Variants in ASTN2 observed in about 807,000 individuals in gnomAD.
The protein encoded by ASTN2 is astrotactin-2.
ASTN2 carries 54 observed loss-of-function variants against 139.8 expected under a neutral mutation model. The ratio of observed to expected loss-of-function variants is 0.39; its 90% CI spans 0.31 to 0.48. The LOEUF is 0.48. Ranked by LOEUF, ASTN2 falls within the 20% of genes least tolerant of loss-of-function variation. The pLI is 0.95. For missense variants in ASTN2, 1,565 were observed against 1,725.1 expected (o/e 0.91, Z 1.64); for synonymous variants, 756 against 719.5 (o/e 1.05, Z -0.81).
intron 4 of ASTN2, among the ~76,000 whole-genome samples, chr9:117,137,225 G>A (rs1410419020): frequency 6.6e-6 from 1 of 152,174 alleles, no homozygotes; most frequent in Non-Finnish European, 1.5e-5. Flanking sequence ...GGCCTCTCAG[G>A]AAGAAGGCAT....
chr9:116,534,795 T>C (rs1235882984), intron 19 of ASTN2, among the ~76,000 whole-genome samples: 1 of 152,196 alleles, frequency 6.6e-6, no homozygotes, highest in East Asian at 1.9e-4. Context: ...GTGGTCAATT[T>C]TGGAATAAGT....
intron 10 of ASTN2, among the ~76,000 whole-genome samples, chr9:116,943,286 G>A (rs1835290414): frequency 6.6e-6 from 1 of 152,128 alleles, no homozygotes; most frequent in Admixed American, 6.5e-5. Context: ...AAGATGTGAG[G>A]TTAGTGCCCA....
At chr9:116,565,198 T>A (rs1564119669) in intron 19 of ASTN2, among the ~76,000 whole-genome samples, 1 of 133,996 alleles carries the variant, frequency 7.5e-6, no homozygotes, top group African/African-American at 2.8e-5. Context: ...TATGAAAAAA[T>A]CCTTAGGCTT....
chr9:117,343,051 CAGAAAAACTAA>C lies in ASTN2; in HGVS notation c.443-51549_443-51539del, dbSNP rs538913497. ...CCCTCACTGCATCTCACACTCACTT[CAGAAAAACTAA>C]AGTAGGAAGAGTCAGAAGTCTAACA... On this transcript the variant is annotated intron_variant, in intron 1 of 22. Coordinates refer to ENST00000313400, the MANE Select transcript of ASTN2 (RefSeq NM_001365068.1). 4.6e-5 allele frequency among the ~76,000 whole-genome samples: 7 copies of C among 152,300 alleles called. No individual in the cohort carries two copies. The East Asian group carries it at 1.4e-3, about 29-fold the overall frequency.
intron 10 of ASTN2, among the ~76,000 whole-genome samples, chr9:116,890,362 T>C (rs550456836): frequency 1.3e-5 from 2 of 152,302 alleles, no homozygotes; most frequent in African/African-American, 4.8e-5. Context: ...GGCACTCACA[T>C]AAAAATTTCA....
intron 20 of ASTN2, among the ~76,000 whole-genome samples, chr9:116,452,273 T>C (rs1208468161): frequency 6.6e-6 from 1 of 152,188 alleles, no homozygotes; most frequent in Non-Finnish European, 1.5e-5. Context: ...ATATAAACAA[T>C]AATTTTTAAA....
chr9:117,070,102 T>A (rs200346076), intron 5 of ASTN2, among the ~76,000 whole-genome samples: 15 of 140,816 alleles, frequency 1.1e-4, no homozygotes, highest in African/African-American at 2.2e-4. Context: ...TTCTTCCTAG[T>A]CTCGATGGTC....
chr9:117,024,908 C>T (rs1838013161), intron 6 of ASTN2, among the ~76,000 whole-genome samples: 1 of 150,812 alleles, frequency 6.6e-6, no homozygotes, highest in South Asian at 2.1e-4. Context: ...GTGAATAAGT[C>T]TCATGAGATC....
intron 10 of ASTN2, among the ~76,000 whole-genome samples, chr9:116,966,073 A>C (rs926450070): frequency 2.6e-5 from 4 of 152,196 alleles, no homozygotes; most frequent in African/African-American, 9.7e-5. Flanking sequence ...CCCAGTATAC[A>C]TGCCCAAAAT....
At chr9:116,882,283 GTTAC>G (rs917277082) in intron 10 of ASTN2, among the ~76,000 whole-genome samples, 17 of 152,178 alleles carry the variant, frequency 1.1e-4, no homozygotes, top group Admixed American at 5.9e-4. Flanking sequence ...AAGGGAAGAG[GTTAC>G]TTCCAGTTTG....
At chr9:116,803,510 ATATATATATATATT>A (rs1830939979) in intron 13 of ASTN2, among the ~76,000 whole-genome samples, 1 of 7,288 alleles carries the variant, frequency 1.4e-4, no homozygotes, top group African/African-American at 8.0e-4. Flanking sequence ...ATATATATAT[ATATATATATATATT>A]TTTTTTTTTT....
chr9:117,261,385 G>A (rs1375172298), intron 2 of ASTN2, among the ~76,000 whole-genome samples: 1 of 152,190 alleles, frequency 6.6e-6, no homozygotes, highest in Non-Finnish European at 1.5e-5. Flanking sequence ...TGCATAGGCA[G>A]CAGATCTGTT....
At chr9:116,681,310 C>T (rs891142448) in intron 16 of ASTN2, among the ~76,000 whole-genome samples, 26 of 152,176 alleles carry the variant, frequency 1.7e-4, no homozygotes, top group Admixed American at 6.6e-5. Flanking sequence ...AAGAATCCAA[C>T]TTACAAGGGA....
chr9:117,391,846 C>A (rs1028945241), intron 1 of ASTN2, among the ~76,000 whole-genome samples: 1 of 152,148 alleles, frequency 6.6e-6, no homozygotes, highest in African/African-American at 2.4e-5. Context: ...GGGGCACAGG[C>A]ACTGGTTAAA....
chr9:116,920,249 G>A (rs1326179272), intron 10 of ASTN2, among the ~76,000 whole-genome samples: 1 of 152,212 alleles, frequency 6.6e-6, no homozygotes, highest in African/African-American at 2.4e-5. Flanking sequence ...TGGTTCCCCA[G>A]TAGAGCTTCC....
chr9:116,768,684 A>G (rs1336011722), intron 13 of ASTN2, among the ~76,000 whole-genome samples: 1 of 152,190 alleles, frequency 6.6e-6, no homozygotes, highest in African/African-American at 2.4e-5. Flanking sequence ...GTGCCCTGAG[A>G]GACCCGCTTG....
intron 19 of ASTN2, among the ~76,000 whole-genome samples, chr9:116,514,168 G>A (rs367767466): frequency 1.3e-5 from 2 of 151,076 alleles, no homozygotes; most frequent in African/African-American, 4.9e-5. Flanking sequence ...GTGACGTACA[G>A]ATGGGGTTTT....
chr9:117,318,180 C>G (rs1828207334), intron 1 of ASTN2, among the ~76,000 whole-genome samples: 1 of 152,180 alleles, frequency 6.6e-6, no homozygotes, highest in Admixed American at 6.5e-5. Context: ...AATCCCACCT[C>G]TGCTACTCAT....
At chr9:116,886,809 G>C (rs561174276) in intron 10 of ASTN2, among the ~76,000 whole-genome samples, 2 of 152,284 alleles carry the variant, frequency 1.3e-5, no homozygotes, top group South Asian at 2.1e-4. Context: ...GTATTAAAGA[G>C]AGTCCTTTCC....
Sources: allele counts gnomAD v4.1 joint callset (sites outside exome capture counted in the v4.1 genomes callset), GRCh38; gene constraint gnomAD v4.1.1; transcripts MANE v1.5; gene names NCBI Gene and HGNC (gene_info 2026-07-23, HGNC 2026-07-21).